ZCCHC24: variants seen among roughly 807,000 people sequenced by gnomAD.
The protein encoded by ZCCHC24 is zinc finger CCHC-type containing 24, also known as zinc finger CCHC domain-containing protein 24.
A neutral mutation model predicts 26.2 loss-of-function variants in ZCCHC24; 10 were observed. That is an observed-to-expected ratio of 0.38 (90% CI 0.24 to 0.65). The LOEUF (loss-of-function observed/expected upper bound fraction) is 0.65. Ranked by LOEUF, ZCCHC24 falls within the 30% of genes least tolerant of loss-of-function variation. The probability of loss-of-function intolerance (pLI) is 0.54; values close to 1 mark genes in which losing one functional copy is unlikely to be tolerated. For synonymous variants in ZCCHC24, 144 were observed against 147.1 expected, an observed-to-expected ratio of 0.98 and a Z score of 0.15; for missense variants, 243 against 329.1, an observed-to-expected ratio of 0.74 and a Z score of 2.03.
At chr10:79,405,568 C>T (rs1856700415) in intron 2 of ZCCHC24, among the ~76,000 whole-genome samples, 1 of 152,236 alleles carries the variant, frequency 6.6e-6, no homozygotes, top group Non-Finnish European at 1.5e-5. Flanking sequence ...GCTAGCAGCG[C>T]CATTTGCACA....
intron 1 of ZCCHC24, among the ~76,000 whole-genome samples, chr10:79,444,698 G>A (rs758509561): frequency 6.6e-6 from 1 of 152,228 alleles, no homozygotes; most frequent in Non-Finnish European, 1.5e-5. Context: ...GGTGCCTTTC[G>A]GGTCGGGAAC....
intron 2 of ZCCHC24, among the ~76,000 whole-genome samples, chr10:79,404,554 C>T (rs1856683005): frequency 6.6e-6 from 1 of 152,202 alleles, no homozygotes; most frequent in African/African-American, 2.4e-5. Context: ...TGCAGCCACC[C>T]TGCTGTTTGC....
intron 2 of ZCCHC24, among the ~76,000 whole-genome samples, chr10:79,424,562 A>G (rs965192516): frequency 1.3e-5 from 2 of 152,008 alleles, no homozygotes; most frequent in Non-Finnish European, 2.9e-5. Flanking sequence ...ATCAGTCCCT[A>G]TCCATGTTCA....
At chr10:79,434,916 T>C (rs57465207) in intron 1 of ZCCHC24, among the ~76,000 whole-genome samples, 11,063 of 152,138 alleles carry the variant, frequency 0.073, 499 homozygotes, top group South Asian at 0.16. Flanking sequence ...GCCCAATCTG[T>C]ATTTTTCAAG....
chr10:79,418,499 A>T (rs934471036), intron 2 of ZCCHC24, among the ~76,000 whole-genome samples: 3 of 152,332 alleles, frequency 2.0e-5, no homozygotes, highest in Middle Eastern at 6.8e-3. Flanking sequence ...TGGGCTAGGC[A>T]CGACTCACCA....
At chr10:79,389,463 C>T (rs1221629293) in intron 3 of ZCCHC24, among the ~76,000 whole-genome samples, 1 of 151,858 alleles carries the variant, frequency 6.6e-6, no homozygotes, top group Non-Finnish European at 1.5e-5. Context: ...TCTTTCTCCT[C>T]CACAACCTCA....
rs1856347640 is a variant in ZCCHC24, at chr10:79,383,364, T to C, written c.*2981A>G. ...CATATAATATTCTATGTAGACAATA[T>C]TTCCTTCTGAATGTAGTTCAGTTGC... On this transcript the variant is annotated 3_prime_UTR_variant, in exon 4 of 4. Transcript: ENST00000372336. The C allele has an allele frequency of 6.6e-6, 1 of 152,644 alleles. No individual in the cohort carries two copies. The highest frequency in any genetic ancestry group is 2.1e-4 in the South Asian group (1 of 4,836). 9.5% of individuals were successfully genotyped at this position (152,644 alleles called of 1,614,324 possible).
chr10:79,406,449 A>AC (rs1856715027), intron 2 of ZCCHC24, among the ~76,000 whole-genome samples: 1 of 151,970 alleles, frequency 6.6e-6, no homozygotes, highest in African/African-American at 2.4e-5. Context: ...ACCCCTGCTG[A>AC]CCCTGCTTCT....
At chr10:79,405,446 G>A (rs1402626502) in intron 2 of ZCCHC24, among the ~76,000 whole-genome samples, 3 of 152,240 alleles carry the variant, frequency 2.0e-5, no homozygotes, top group African/African-American at 7.2e-5. Flanking sequence ...AGGGCAGGGT[G>A]GAGGTCGCAC....
In ZCCHC24 at chr10:79,432,675, C is replaced by T. The variant is rs1857148608; in HGVS notation, c.330G>A (p.Glu110=). ...NIADGLSSLT[E]HFSDLTLTSE... ...AGGTGAGGGTCAGGTCTGAGAAGTG[C>T]TCGGTGAGGGAGCTGAGGCCATCGG... The change falls in exon 2 of 4, where the codon GAG becomes GAA. Residue 110 remains glutamate, a synonymous_variant. Transcript: ENST00000372336. 1.2e-6 allele frequency: 2 copies of T among 1,608,960 alleles called. No individual in the cohort carries two copies. The highest frequency in any genetic ancestry group is 2.2e-5 in the East Asian group (1 of 44,576).
chr10:79,384,703 G>GT lies in ZCCHC24; in HGVS notation c.*1641dup, dbSNP rs1434407563. ...CTGGACCCCTGGTTAACACTTCACT[G>GT]TAACTCCTCAGTTGTACAAAGCATT... On this transcript the variant is annotated 3_prime_UTR_variant, in exon 4 of 4. Transcript: ENST00000372336. The GT allele has an allele frequency of 1.3e-5, 2 of 152,698 alleles. No individual in the cohort carries two copies. The highest frequency in any genetic ancestry group is 4.8e-5 in the African/African-American group (2 of 41,426). The allele number at this position is 152,698 out of a possible 1,614,324, so 9.5% of individuals were successfully genotyped here.
intron 2 of ZCCHC24, among the ~76,000 whole-genome samples, chr10:79,424,353 A>C (rs1027891356): frequency 3.9e-5 from 6 of 152,176 alleles, no homozygotes; most frequent in Non-Finnish European, 5.9e-5. Flanking sequence ...AGGCGAGCCT[A>C]CCTGTTTATG....
intron 1 of ZCCHC24, among the ~76,000 whole-genome samples, chr10:79,439,838 C>A (rs1857267131): frequency 1.3e-5 from 2 of 151,294 alleles, no homozygotes; most frequent in African/African-American, 4.9e-5. Context: ...ACCTACAACT[C>A]ATCTTTCACA....
In ZCCHC24 at chr10:79,382,609, C is replaced by T. The variant is rs6858; in HGVS notation, c.*3736G>A. ...AAGGTTGGCAACAGAGAAGGATAAG[C>T]CCGCTGCCACAGCCCCCAGGGGACC... is the stretch of plus-strand genomic sequence containing the variant. On this transcript the variant is annotated 3_prime_UTR_variant, in exon 4 of 4. Transcript: ENST00000372336. The T allele has an allele frequency of 0.43, 66,070 of 152,898 alleles. 14,730 individuals are homozygous for T. Among genetic ancestry groups the T allele is most frequent in the East Asian group, 0.62 (3,270 of 5,314 alleles). 9.5% of individuals were successfully genotyped at this position (152,898 alleles called of 1,614,324 possible).
At chr10:79,444,210 A>AC (rs935907818) in intron 1 of ZCCHC24, 2 of 1,506,126 alleles carry the variant, frequency 1.3e-6, no homozygotes, top group Non-Finnish European at 1.8e-6. Flanking sequence ...AGTGAAGGCC[A>AC]CAGATGGGTG....
intron 1 of ZCCHC24, 113 bp from the exon 2 acceptor site, chr10:79,432,871 C>G (rs1398666039): frequency 5.0e-6 from 6 of 1,200,454 alleles, no homozygotes. Context: ...CCCGAGGGCT[C>G]TGGGCTCCAG....
intron 1 of ZCCHC24, among the ~76,000 whole-genome samples, chr10:79,443,025 C>T (rs1857310251): frequency 1.3e-5 from 2 of 152,176 alleles, no homozygotes; most frequent in Non-Finnish European, 2.9e-5. Flanking sequence ...CTTGTTTGAA[C>T]AGGTCTCAAA....
chr10:79,388,464 A>G (rs951831044), intron 3 of ZCCHC24, among the ~76,000 whole-genome samples: 8 of 152,202 alleles, frequency 5.3e-5, no homozygotes, highest in African/African-American at 1.9e-4. Flanking sequence ...CTGCACTGTA[A>G]GAAGACTTCC....
chr10:79,407,846 T>C lies in ZCCHC24; in HGVS notation c.448-13406A>G, dbSNP rs144993171. 1.0e-2 allele frequency among the ~76,000 whole-genome samples: 1,519 copies of C among 152,068 alleles called. 42 individuals are homozygous for C. Among genetic ancestry groups the C allele is most frequent in the African/African-American group, 0.034 (1,430 of 41,470 alleles). On this transcript the variant is annotated intron_variant, in intron 2 of 3. Transcript: ENST00000372336. Reference sequence around the variant, plus strand: ...TGGGCTTGAGAGGGGAAAGCCTGGATTGGGGGAGAAAGGCCCATCTCTTTA... The same window carrying C: ...TGGGCTTGAGAGGGGAAAGCCTGGACTGGGGGAGAAAGGCCCATCTCTTTA...
Sources: allele counts gnomAD v4.1 joint callset (sites outside exome capture counted in the v4.1 genomes callset), GRCh38; gene constraint gnomAD v4.1.1; transcripts MANE v1.5; gene names NCBI Gene and HGNC (gene_info 2026-07-23, HGNC 2026-07-21).